The following ZNF556 variants were observed in gnomAD, a reference collection of about 807,000 sequenced individuals.
ZNF556 encodes zinc finger protein 556.
Under a neutral mutation model 13.6 loss-of-function variants are expected in ZNF556, and 11 were observed. The observed-to-expected ratio is 0.81, with a 90% CI of 0.51 to 1.33. The LOEUF is 1.33. Ranked by LOEUF, ZNF556 falls within the 40% of genes most tolerant of loss-of-function variation. The pLI is 0.00. For synonymous variants in ZNF556, 229 were observed against 207.8 expected, an observed-to-expected ratio of 1.10 and a Z score of -0.88; for missense variants, 633 against 566.2, an observed-to-expected ratio of 1.12 and a Z score of -1.20.
rs148223223 is a variant in ZNF556, at chr19:2,877,330, A to C, written c.372A>C (p.Arg124Ser). 12 of 1,614,098 alleles carry C rather than the reference A, an allele frequency of 7.4e-6. No individual in the cohort carries two copies. The African/African-American group carries it at 1.1e-4, about 14-fold the overall frequency. Residue 124 changes from arginine to serine, a missense_variant, in exon 4 of 4, where the codon AGA becomes AGC. Transcript: ENST00000307635. ...CKSSKGNKRGRTFRKTRNCNR... is the reference protein window; with the variant it reads ...CKSSKGNKRGSTFRKTRNCNR... ...GCAGTAAAGGTAATAAACGTGGAAG[A>C]ACCTTCAGAAAGACTCGAAATTGTA...
rs57053138 is a variant in ZNF556, at chr19:2,882,531, A to ATTGTGTGTGTGTGT, written c.*4202_*4203insTTGTGTGTGTGTGT. On this transcript the variant is annotated 3_prime_UTR_variant, in exon 4 of 4. Coordinates refer to ENST00000307635, the MANE Select transcript of ZNF556 (RefSeq NM_024967.3). ...ATACATTTTATATATATATATATAT[A>ATTGTGTGTGTGTGT]GTGTGTGTGTGTGTGTGTGTGTGTG... is the stretch of plus-strand genomic sequence containing the variant. 7.8e-6 allele frequency: 1 copy of ATTGTGTGTGTGTGT among 127,720 alleles called. No homozygotes were observed. Among genetic ancestry groups the ATTGTGTGTGTGTGT allele is most frequent in the African/African-American group, 3.0e-5 (1 of 32,938 alleles). The allele number at this position is 127,720 out of a possible 1,614,324, so 7.9% of individuals were successfully genotyped here. A position where few individuals can be genotyped will look rare whatever the true frequency, so the allele number is the denominator to read the frequency against.
At chr19:2,872,989 C>G (rs1022727333) in intron 1 of ZNF556, among the ~76,000 whole-genome samples, 1 of 151,850 alleles carries the variant, frequency 6.6e-6, no homozygotes. Context: ...AAAAATTATC[C>G]AGGCATGTTG....
At chr19:2,877,172 T>G (rs907286160) in intron 3 of ZNF556, 101 bp from the exon 4 acceptor site, 17 of 972,088 alleles carry the variant, frequency 1.7e-5, no homozygotes, top group Admixed American at 1.5e-4. Flanking sequence ...ATCATGCCAC[T>G]GCACTCCAGC....
Position 2,877,605 on chromosome 19 carries a change from ACT to A in ZNF556, c.653_654del (p.Leu218HisfsTer2), listed in dbSNP as rs2087865855. On this transcript the variant is annotated frameshift_variant, in exon 4 of 4. Coordinates refer to ENST00000307635, the MANE Select transcript of ZNF556 (RefSeq NM_024967.3). LOFTEE classifies it low-confidence loss of function (END_TRUNC). The stretch of plus-strand genomic sequence containing the variant: ...TGCGGGAAGACATTTCTTCGTTCCC[ACT>A]CTCTCACTGAACATGTAAGGACTCA... 1.9e-6 allele frequency: 3 copies of A among 1,614,008 alleles called. No individual in the cohort carries two copies. Among genetic ancestry groups the A allele is most frequent in the East Asian group, 4.5e-5 (2 of 44,894 alleles).
chr19:2,871,754 A>G (rs1029626914), intron 1 of ZNF556, among the ~76,000 whole-genome samples: 1 of 152,202 alleles, frequency 6.6e-6, no homozygotes, highest in East Asian at 1.9e-4. Flanking sequence ...AAGACACAAG[A>G]CAAAGAGATA....
At position 2,867,417 on chromosome 19, in the gene ZNF556, A is replaced by T. The variant is rs774072133; in HGVS notation, c.-5A>T. ...CTCCTCAAAGAGCTCAGGAACGGAC[A>T]GGACATGGTGAGTGCAGGGCAGGAG... is the stretch of plus-strand genomic sequence containing the variant. On this transcript the variant is annotated 5_prime_UTR_variant, in exon 1 of 4. Coordinates refer to ENST00000307635, the MANE Select transcript of ZNF556 (RefSeq NM_024967.3). 6.3e-7 allele frequency: 1 copy of T among 1,584,652 alleles called. No individual in the cohort carries two copies. The highest frequency in any genetic ancestry group is 1.3e-5 in the African/African-American group (1 of 74,782).
At chr19:2,873,311 A>G (rs965960755) in intron 1 of ZNF556, among the ~76,000 whole-genome samples, 185 bp from the exon 2 acceptor site, 2 of 152,182 alleles carry the variant, frequency 1.3e-5, no homozygotes, top group Non-Finnish European at 2.9e-5. Context: ...TTTATTTGTC[A>G]AAGACAAAAA....
rs2087895618 is a variant in ZNF556 at position 2,880,423 on chromosome 19, G to A, written c.*2094G>A. ...TCAATCTCTGTTTTTTATTTACTGG[G>A]AGAATGTATTAAAATATTGAAAATT... On this transcript the variant is annotated 3_prime_UTR_variant, in exon 4 of 4. Coordinates refer to ENST00000307635, the MANE Select transcript of ZNF556 (RefSeq NM_024967.3). 1 of 152,070 alleles carries A rather than the reference G, an allele frequency of 6.6e-6. No individual in the cohort carries two copies. The highest frequency in any genetic ancestry group is 2.4e-5 in the African/African-American group (1 of 41,406). The allele number at this position is 152,070 out of a possible 1,614,324, so 9.4% of individuals were successfully genotyped here. A position where few individuals can be genotyped will look rare whatever the true frequency, so the allele number is the denominator to read the frequency against.
intron 2 of ZNF556, 114 bp from the exon 3 acceptor site, chr19:2,875,979 A>G: frequency 2.1e-6 from 2 of 946,222 alleles, no homozygotes; most frequent in Non-Finnish European, 1.5e-6. Context: ...TAAATAAATA[A>G]ATAGATAAAT....
At chr19:2,873,098 A>C (rs541719312) in intron 1 of ZNF556, among the ~76,000 whole-genome samples, 7 of 148,886 alleles carry the variant, frequency 4.7e-5, no homozygotes, top group African/African-American at 7.5e-5. Flanking sequence ...GCCCTACTGC[A>C]CTCCAGCCTG....
rs1305487538 is a variant in ZNF556 at position 2,882,263 on chromosome 19, T to TA, written c.*3940dup. 1.3e-5 allele frequency: 2 copies of TA among 150,936 alleles called. No individual in the cohort carries two copies. The highest frequency in any genetic ancestry group is 6.6e-5 in the Admixed American group (1 of 15,162). The allele number at this position is 150,936 out of a possible 1,614,324, so 9.3% of individuals were successfully genotyped here. A position where few individuals can be genotyped will look rare whatever the true frequency, so the allele number is the denominator to read the frequency against. On this transcript the variant is annotated 3_prime_UTR_variant, in exon 4 of 4. Coordinates refer to ENST00000307635, the MANE Select transcript of ZNF556 (RefSeq NM_024967.3). ...TAACCCGGTGAAACCCTGTCTCTAG[T>TA]AAAAAATACAAAAAATTAGCTGGGC...
intron 1 of ZNF556, 73 bp downstream of exon 1, chr19:2,867,497 T>C: frequency 6.4e-7 from 1 of 1,557,266 alleles, no homozygotes; most frequent in Admixed American, 2.0e-5. Flanking sequence ...CAGAACACGC[T>C]GAAACTCCCG....
At chr19:2,867,710 T>G (rs1347463539) in intron 1 of ZNF556, among the ~76,000 whole-genome samples, 1 of 44,716 alleles carries the variant, frequency 2.2e-5, no homozygotes, top group Non-Finnish European at 4.8e-5. Context: ...TAACCCAAAG[T>G]ACAAAAAACA....
chr19:2,869,408 C>A lies in ZNF556; in HGVS notation c.3+1984C>A, dbSNP rs528217324. Among the ~76,000 whole-genome samples, 306 of 152,114 alleles carry A rather than the reference C, an allele frequency of 2.0e-3. 4 individuals are homozygous for A. The highest frequency in any genetic ancestry group is 6.8e-3 in the African/African-American group (284 of 41,496). The stretch of plus-strand genomic sequence containing the variant: ...TTGAGACGGAGTCTTGCTCTGTCAC[C>A]GACGCTGGAGTGCAGTGGCGCGATC... On this transcript the variant is annotated intron_variant, in intron 1 of 3. Coordinates refer to ENST00000307635, the MANE Select transcript of ZNF556 (RefSeq NM_024967.3).
At chr19:2,877,102 G>T (rs976228776) in intron 3 of ZNF556, among the ~76,000 whole-genome samples, 171 bp from the exon 4 acceptor site, 1 of 151,832 alleles carries the variant, frequency 6.6e-6, no homozygotes, top group Admixed American at 6.6e-5. Flanking sequence ...AATCCCAGCT[G>T]CTCAGGAGGC....
intron 1 of ZNF556, 50 bp downstream of exon 1, chr19:2,867,474 G>A (rs755277449): frequency 3.8e-6 from 6 of 1,567,578 alleles, no homozygotes; most frequent in Middle Eastern, 1.7e-4. Flanking sequence ...GGGAGGGGAG[G>A]GTTGGAAGCG....
Position 2,882,486 on chromosome 19 carries a change from A to C in ZNF556, c.*4157A>C, listed in dbSNP as rs2087911151. ...TTCAGCCTCATTTCTGCAAATATTA[A>C]AAATTTTAGGGCATGATGTATACAT... On this transcript the variant is annotated 3_prime_UTR_variant, in exon 4 of 4. Transcript: ENST00000307635. 1 of 151,190 alleles carries C rather than the reference A, an allele frequency of 6.6e-6. No homozygotes were observed. The highest frequency in any genetic ancestry group is 2.4e-5 in the African/African-American group (1 of 41,056). 9.4% of individuals were successfully genotyped at this position (151,190 alleles called of 1,614,324 possible).
rs1323363859 is a variant in ZNF556, at chr19:2,878,304, G to T, written c.1346G>T (p.Gly449Val). The change falls in exon 4 of 4, where the codon GGA becomes GTA. Residue 449 changes from glycine (G) to valine (V), a missense_variant. Physicochemically the swap from Gly to Val is moderately radical, Grantham distance 109 (BLOSUM62 -3). Coordinates refer to ENST00000307635, the MANE Select transcript of ZNF556 (RefSeq NM_024967.3). ...AFQGHVRSHT[G>V]KKSCTSK ...CAAGGTCATGTGAGAAGTCACACAG[G>T]AAAGAAATCCTGTACATCTAAGTAA... is the stretch of plus-strand genomic sequence containing the variant. 1 of 1,613,886 alleles carries T rather than the reference G, an allele frequency of 6.2e-7. No homozygotes were observed.
In ZNF556 at chr19:2,880,151, C is replaced by T. The variant is rs1215225514; in HGVS notation, c.*1822C>T. On this transcript the variant is annotated 3_prime_UTR_variant, in exon 4 of 4. Coordinates refer to ENST00000307635, the MANE Select transcript of ZNF556 (RefSeq NM_024967.3). The stretch of plus-strand genomic sequence containing the variant: ...TTACCTTTCATGAGAAAATGAAAGA[C>T]AATACTGGCTTATCAGGTAAACTCT... 1 of 152,142 alleles carries T rather than the reference C, an allele frequency of 6.6e-6. No individual in the cohort carries two copies. Among genetic ancestry groups the T allele is most frequent in the Non-Finnish European group, 1.5e-5 (1 of 68,028 alleles). 9.4% of individuals were successfully genotyped at this position (152,142 alleles called of 1,614,324 possible).
Sources: allele counts gnomAD v4.1 joint callset (sites outside exome capture counted in the v4.1 genomes callset), GRCh38; gene constraint gnomAD v4.1.1; transcripts MANE v1.5; gene names NCBI Gene and HGNC (gene_info 2026-07-23, HGNC 2026-07-21).